CTNNA2: variants seen among roughly 807,000 people sequenced by gnomAD.
CTNNA2 encodes catenin alpha-2.
CTNNA2 carries 42 observed loss-of-function variants against 101.0 expected under a neutral mutation model. The ratio of observed to expected loss-of-function variants is 0.42; its 90% CI spans 0.32 to 0.54. The LOEUF is 0.54. Ranked by LOEUF, CTNNA2 falls within the 20% of genes least tolerant of loss-of-function variation. CTNNA2 has a pLI of 0.14. For synonymous variants in CTNNA2, 450 were observed against 456.4 expected, an observed-to-expected ratio of 0.99 and a Z score of 0.18; for missense variants, 871 against 1,223.1, an observed-to-expected ratio of 0.71 and a Z score of 4.29.
At chr2:79,338,108 T>C (rs1164299245) in intron 3 of CTNNA2, among the ~76,000 whole-genome samples, 1 of 151,668 alleles carries the variant, frequency 6.6e-6, no homozygotes. Flanking sequence ...ATTAGCTGGG[T>C]ATGGTGGCAC....
In CTNNA2 at chr2:80,486,450, T is replaced by C. The variant is rs959621711; in HGVS notation, c.1291-58532T>C. 1.8e-4 allele frequency among the ~76,000 whole-genome samples: 28 copies of C among 152,182 alleles called. 1 individual carries two copies. The highest frequency in any genetic ancestry group is 1.8e-3 in the Admixed American group (28 of 15,276). On this transcript the variant is annotated intron_variant, in intron 9 of 18. Transcript: ENST00000402739. Reference sequence around the variant, plus strand: ...ATGGAAACACATTTGTAATACTATATAATTCTGATTATATAAGTAGTACAT... The same window carrying C: ...ATGGAAACACATTTGTAATACTATACAATTCTGATTATATAAGTAGTACAT...
chr2:79,776,152 A>G (rs945599706), intron 3 of CTNNA2, among the ~76,000 whole-genome samples: 1 of 152,240 alleles, frequency 6.6e-6, no homozygotes, highest in Non-Finnish European at 1.5e-5. Context: ...CATCTGCCTG[A>G]AATTTTAAAA....
At chr2:80,276,830 C>T (rs188595489) in intron 7 of CTNNA2, among the ~76,000 whole-genome samples, 2 of 152,226 alleles carry the variant, frequency 1.3e-5, no homozygotes, top group East Asian at 3.9e-4. Flanking sequence ...CCCAGTTAGG[C>T]CCAGACTCCA....
Position 80,423,046 on chromosome 2 carries a change from C to T in CTNNA2, c.1290+3445C>T, listed in dbSNP as rs1680671019. Among the ~76,000 whole-genome samples the T allele has an allele frequency of 2.0e-5, 3 of 152,108 alleles. No homozygotes were observed. In the South Asian group the frequency reaches 6.2e-4, roughly 32 times the overall value. On this transcript the variant is annotated intron_variant, in intron 9 of 18. Transcript: ENST00000402739. ...TGTATAAGGATCTGCAGTACGGTTT[C>T]TTTTTTCCCCACTCCTCATTTAGCT...
intron 7 of CTNNA2, among the ~76,000 whole-genome samples, chr2:80,185,823 C>A (rs1042345122): frequency 6.6e-6 from 1 of 152,126 alleles, no homozygotes; most frequent in African/African-American, 2.4e-5. Context: ...GTGCACTTAT[C>A]CTGAAGCTGT....
At chr2:79,225,069 A>G (rs1674391560) in intron 2 of CTNNA2, among the ~76,000 whole-genome samples, 1 of 152,108 alleles carries the variant, frequency 6.6e-6, no homozygotes, top group Non-Finnish European at 1.5e-5. Flanking sequence ...TACTATGAGT[A>G]AAACTGCTAT....
intron 3 of CTNNA2, among the ~76,000 whole-genome samples, chr2:79,346,744 T>C (rs1677273072): frequency 6.6e-6 from 1 of 152,252 alleles, no homozygotes; most frequent in East Asian, 1.9e-4. Context: ...ACAAATTATA[T>C]ACAAGTATGT....
intron 3 of CTNNA2, among the ~76,000 whole-genome samples, chr2:79,810,217 T>C (rs1232838542): frequency 6.6e-6 from 1 of 151,342 alleles, no homozygotes; most frequent in Non-Finnish European, 1.5e-5. Flanking sequence ...GAAAAAGAGG[T>C]TTAAGGGACT....
At chr2:79,800,252 A>G (rs1573999987) in intron 3 of CTNNA2, among the ~76,000 whole-genome samples, 3 of 146,674 alleles carry the variant, frequency 2.0e-5, no homozygotes, top group African/African-American at 8.0e-5. Flanking sequence ...ATTTCTGGGA[A>G]GCTCGCATGT....
At chr2:79,798,747 G>T (rs1261723004) in intron 3 of CTNNA2, among the ~76,000 whole-genome samples, 1 of 152,080 alleles carries the variant, frequency 6.6e-6, no homozygotes, top group African/African-American at 2.4e-5. Flanking sequence ...AAATGTAAAA[G>T]CATTGGCACA....
intron 7 of CTNNA2, among the ~76,000 whole-genome samples, chr2:80,055,758 C>T (rs1379126338): frequency 6.6e-6 from 1 of 152,014 alleles, no homozygotes; most frequent in Non-Finnish European, 1.5e-5. Context: ...GTTTGTGACC[C>T]CTAATGCAGA....
intron 3 of CTNNA2, among the ~76,000 whole-genome samples, chr2:79,786,395 G>C (rs1161168655): frequency 1.3e-5 from 2 of 152,050 alleles, no homozygotes; most frequent in African/African-American, 4.8e-5. Flanking sequence ...ACTATAAAAT[G>C]TAAGGTAATG....
chr2:79,358,120 C>T (rs1360869234), intron 3 of CTNNA2, among the ~76,000 whole-genome samples: 1 of 151,564 alleles, frequency 6.6e-6, no homozygotes, highest in African/African-American at 2.4e-5. Flanking sequence ...GATTTTTCTT[C>T]TTATTAAATG....
intron 9 of CTNNA2, among the ~76,000 whole-genome samples, chr2:80,532,643 A>C (rs904474030): frequency 2.0e-5 from 3 of 152,116 alleles, no homozygotes; most frequent in African/African-American, 7.2e-5. Context: ...CATTATGTAT[A>C]TAGGGCTTGG....
At chr2:80,328,320 C>A (rs903165002) in intron 7 of CTNNA2, 4 of 470,982 alleles carry the variant, frequency 8.5e-6, no homozygotes, top group Non-Finnish European at 1.8e-5. Flanking sequence ...GCATTGGAAC[C>A]TTTCATGTGG....
At chr2:80,592,659 C>T (rs910093942) in intron 15 of CTNNA2, among the ~76,000 whole-genome samples, 26 of 152,086 alleles carry the variant, frequency 1.7e-4, no homozygotes, top group South Asian at 4.1e-4. Flanking sequence ...ATTCAGAAGC[C>T]TCTGAAAAGT....
intron 6 of CTNNA2, among the ~76,000 whole-genome samples, chr2:79,896,108 C>T (rs962106843): frequency 1.1e-4 from 17 of 152,126 alleles, no homozygotes; most frequent in East Asian, 5.8e-4. Context: ...TGTGGCAAAA[C>T]GCTGTATCTA....
At chr2:80,099,480 T>C (rs1188693170) in intron 7 of CTNNA2, among the ~76,000 whole-genome samples, 1 of 152,130 alleles carries the variant, frequency 6.6e-6, no homozygotes, top group Non-Finnish European at 1.5e-5. Flanking sequence ...GAGAAACAAT[T>C]GAAGCAACCA....
At chr2:79,838,839 G>C (rs1237844743) in intron 3 of CTNNA2, among the ~76,000 whole-genome samples, 1 of 151,588 alleles carries the variant, frequency 6.6e-6, no homozygotes, top group African/African-American at 2.4e-5. Context: ...ATGATATTAT[G>C]TATAAGATAA....
Sources: allele counts gnomAD v4.1 joint callset (sites outside exome capture counted in the v4.1 genomes callset), GRCh38; gene constraint gnomAD v4.1.1; transcripts MANE v1.5; gene names NCBI Gene and HGNC (gene_info 2026-07-23, HGNC 2026-07-21).